TENM2: variants seen among roughly 807,000 people sequenced by gnomAD.
TENM2 encodes the protein teneurin transmembrane protein 2, also known as teneurin-2.
Under a neutral mutation model 245.2 loss-of-function variants are expected in TENM2, and 52 were observed. That is an observed-to-expected ratio of 0.21 (90% confidence interval 0.17 to 0.27). The LOEUF (loss-of-function observed/expected upper bound fraction) is 0.27. Ranked by LOEUF, TENM2 falls within the 10% of genes least tolerant of loss-of-function variation. The pLI is 1.00. For missense variants in TENM2, 3,046 were observed against 3,666.8 expected, an observed-to-expected ratio of 0.83 and a Z score of 4.37; for synonymous variants, 1,363 against 1,438.9, an observed-to-expected ratio of 0.95 and a Z score of 1.19.
In TENM2 at chr5:168,208,275, AT is replaced by A. The variant is rs1375531431; in HGVS notation, c.3825-3452del. 2.6e-5 allele frequency among the ~76,000 whole-genome samples: 4 copies of A among 152,272 alleles called. No homozygotes were observed. In the East Asian group the frequency reaches 7.7e-4, roughly 29 times the overall value. On this transcript the variant is annotated intron_variant, in intron 19 of 28. Coordinates refer to ENST00000518659, the Ensembl canonical transcript of TENM2. ...ACCTTACATAATTTTTGAAATTTCCATTTTTTTATTTTTTAAACATAAAATA... is the reference window on the plus strand; with the variant it reads ...ACCTTACATAATTTTTGAAATTTCCATTTTTTATTTTTTAAACATAAAATA...
chr5:168,049,303 G>A (rs889129082), intron 6 of TENM2, among the ~76,000 whole-genome samples: 5 of 152,228 alleles, frequency 3.3e-5, no homozygotes, highest in Admixed American at 2.0e-4. Flanking sequence ...TCTCCGTCAC[G>A]TTTTATCCAT....
the TENM2 span, among the ~76,000 whole-genome samples, chr5:167,100,446 GTCACCATT>G: frequency 6.6e-6 from 1 of 152,126 alleles, no homozygotes; most frequent in Non-Finnish European, 1.5e-5. Context: ...TGCCTCTGAA[GTCACCATT>G]TCCCTCCCTC....
intron 1 of TENM2, among the ~76,000 whole-genome samples, chr5:167,334,985 G>C (rs1757671989): frequency 6.6e-6 from 1 of 152,142 alleles, no homozygotes; most frequent in Non-Finnish European, 1.5e-5. Context: ...ATCATAAATA[G>C]GGCTTGACTA....
intron 2 of TENM2, among the ~76,000 whole-genome samples, chr5:167,814,795 A>G (rs1219083181): frequency 6.6e-6 from 1 of 152,148 alleles, no homozygotes; most frequent in African/African-American, 2.4e-5. Flanking sequence ...AGAAACAATA[A>G]GTCAAGTTGC....
chr5:168,212,339 G>A (rs1459471856), intron 20 of TENM2, among the ~76,000 whole-genome samples: 3 of 152,168 alleles, frequency 2.0e-5, no homozygotes, highest in Non-Finnish European at 4.4e-5. Context: ...TCATTACATT[G>A]ATCCAAGGTT....
At chr5:167,828,377 G>A (rs1181349467) in intron 2 of TENM2, among the ~76,000 whole-genome samples, 1 of 152,122 alleles carries the variant, frequency 6.6e-6, no homozygotes, top group Non-Finnish European at 1.5e-5. Flanking sequence ...TCAGGATCCA[G>A]TTTGTTCTTT....
the TENM2 span, among the ~76,000 whole-genome samples, chr5:167,068,492 A>G: frequency 6.6e-6 from 1 of 152,164 alleles, no homozygotes; most frequent in South Asian, 2.1e-4. Context: ...GAGATACCAA[A>G]CCTTATCTTT....
chr5:168,135,713 A>C (rs1271373432), intron 12 of TENM2, among the ~76,000 whole-genome samples: 1 of 148,832 alleles, frequency 6.7e-6, no homozygotes, highest in Non-Finnish European at 1.5e-5. Flanking sequence ...TCTTCCCTCT[A>C]ATTAAAAAAA....
In TENM2 at chr5:168,124,699, A is replaced by G. The variant is rs539355178; in HGVS notation, c.2009-151A>G. 1.0e-4 allele frequency: 71 copies of G among 678,866 alleles called. No homozygotes were observed. In the African/African-American group the frequency reaches 1.1e-3, roughly 10 times the overall value. The allele number at this position is 678,866 out of a possible 1,614,324, so 42.1% of individuals were successfully genotyped here. A position where few individuals can be genotyped will look rare whatever the true frequency, so the allele number is the denominator to read the frequency against. Reference sequence around the variant, plus strand: ...TTTATGGGTGTCTTCAGGTGACCACATAAGTATTTCTTGGGCTACTCCATT... The same window carrying G: ...TTTATGGGTGTCTTCAGGTGACCACGTAAGTATTTCTTGGGCTACTCCATT... On this transcript the variant is annotated intron_variant, in intron 10 of 28. Coordinates refer to ENST00000518659, the Ensembl canonical transcript of TENM2.
intron 4 of TENM2, among the ~76,000 whole-genome samples, chr5:167,966,092 C>G (rs1320717363): frequency 1.3e-5 from 2 of 152,192 alleles, no homozygotes; most frequent in Non-Finnish European, 2.9e-5. Context: ...AGGCCAGATG[C>G]AAGAGACCCT....
intron 2 of TENM2, among the ~76,000 whole-genome samples, chr5:167,660,939 A>G (rs973538733): frequency 9.9e-5 from 15 of 152,154 alleles, no homozygotes; most frequent in African/African-American, 2.9e-4. Context: ...TTTTTATTCT[A>G]TTTTCAAAAT....
chr5:167,817,155 C>G (rs1276329250), intron 2 of TENM2, among the ~76,000 whole-genome samples: 2 of 152,098 alleles, frequency 1.3e-5, no homozygotes, highest in Non-Finnish European at 2.9e-5. Context: ...GTTTGGAACT[C>G]TAATTGAGAA....
At chr5:167,115,590 G>T in the TENM2 span, among the ~76,000 whole-genome samples, 1 of 152,080 alleles carries the variant, frequency 6.6e-6, no homozygotes, top group Non-Finnish European at 1.5e-5. Context: ...CAAAAGCTAC[G>T]GTCAGTAGTT....
At chr5:167,869,751 A>G (rs1772652252) in intron 2 of TENM2, among the ~76,000 whole-genome samples, 1 of 152,184 alleles carries the variant, frequency 6.6e-6, no homozygotes, top group Non-Finnish European at 1.5e-5. Flanking sequence ...TAAAAGCTGC[A>G]CATGCAGAAC....
At chr5:166,985,897 A>G in the TENM2 span, among the ~76,000 whole-genome samples, 1 of 152,198 alleles carries the variant, frequency 6.6e-6, no homozygotes, top group Non-Finnish European at 1.5e-5. Flanking sequence ...AAAGATTGAG[A>G]GTTACCAAAG....
rs767980098 is a variant in TENM2 at position 168,204,368 on chromosome 5, A to G, written c.3575-4A>G. On this transcript the variant is annotated splice_polypyrimidine_tract_variant and splice_region_variant and intron_variant, in intron 18 of 28. Coordinates refer to ENST00000518659, the Ensembl canonical transcript of TENM2. ...TAACCCCTCCCATTCTCCAACCCCC[A>G]CAGGAATCCTACACAAAGGCACTGG... is the stretch of plus-strand genomic sequence containing the variant. The G allele has an allele frequency of 2.4e-5, 38 of 1,611,632 alleles. No individual in the cohort carries two copies. The Admixed American group carries it at 6.3e-4, about 27-fold the overall frequency.
At chr5:168,158,850 T>TACACACAC (rs764713880) in intron 12 of TENM2, among the ~76,000 whole-genome samples, 5 of 62,318 alleles carry the variant, frequency 8.0e-5, no homozygotes, top group East Asian at 4.2e-4. Context: ...TATATATATA[T>TACACACAC]ACACACACAC....
Position 168,226,068 on chromosome 5 carries a change from A to G in TENM2, c.5109-20A>G, listed in dbSNP as rs1764153344. On this transcript the variant is annotated intron_variant, in intron 23 of 28. Coordinates refer to ENST00000518659, the Ensembl canonical transcript of TENM2. Reference sequence around the variant, plus strand: ...GACTGCTGCTAACCAGGGTTTATCTATCTATCTATCTCCCCCCAGCTATGA... The same window carrying G: ...GACTGCTGCTAACCAGGGTTTATCTGTCTATCTATCTCCCCCCAGCTATGA... 1 of 1,607,676 alleles carries G rather than the reference A, an allele frequency of 6.2e-7. No homozygotes were observed. The highest frequency in any genetic ancestry group is 8.5e-7 in the Non-Finnish European group (1 of 1,177,346).
At chr5:167,219,962 A>G in the TENM2 span, among the ~76,000 whole-genome samples, 1 of 152,190 alleles carries the variant, frequency 6.6e-6, no homozygotes, top group South Asian at 2.1e-4. Context: ...TAATGCTGTT[A>G]TTGATTTGAG....
Sources: gnomAD v4.1 joint callset for allele counts (sites outside exome capture counted in the v4.1 genomes callset) on GRCh38, gnomAD v4.1.1 for gene constraint, MANE v1.5 for transcripts, NCBI Gene and HGNC (gene_info 2026-07-23, HGNC 2026-07-21) for gene names.